The following SPTBN4 variants were observed in gnomAD, a reference collection of about 807,000 sequenced individuals.
The protein encoded by SPTBN4 is spectrin beta, non-erythrocytic 4, also known as spectrin beta chain, non-erythrocytic 4.
A neutral mutation model predicts 277.8 loss-of-function variants in SPTBN4; 96 were observed. The observed-to-expected ratio is 0.35, with a 90% CI of 0.29 to 0.41. The LOEUF is 0.41. Ranked by LOEUF, SPTBN4 falls within the 10% of genes least tolerant of loss-of-function variation. The pLI is 1.00. For missense variants in SPTBN4, 3,006 were observed against 3,595.7 expected (o/e 0.84, Z 4.19); for synonymous variants, 1,481 against 1,580.3 (o/e 0.94, Z 1.49).
rs2080449006 is a variant in SPTBN4 at position 40,515,898 on chromosome 19, A to G, written c.2903+450A>G. Among the ~76,000 whole-genome samples, 1 of 144,524 alleles carries G rather than the reference A, an allele frequency of 6.9e-6. No homozygotes were observed. The highest frequency in any genetic ancestry group is 2.7e-5 in the African/African-American group (1 of 37,298). 94.8% of individuals were successfully genotyped at this position (144,524 alleles called of 152,430 possible). On this transcript the variant is annotated intron_variant, in intron 15 of 35. Transcript: ENST00000598249. The surrounding 1 kb of genome is among the most constrained non-coding windows in gnomAD (Gnocchi z 4.1). ...CACACACACACACACACACACACACACAAAATATATATATACACACACATA... is the reference window on the plus strand; with the variant it reads ...CACACACACACACACACACACACACGCAAAATATATATATACACACACATA...
intron 6 of SPTBN4, among the ~76,000 whole-genome samples, chr19:40,497,274 C>T (rs962483831): frequency 5.9e-5 from 9 of 152,150 alleles, no homozygotes; most frequent in Non-Finnish European, 1.0e-4. Context: ...TGCACATGCA[C>T]ACACACATTC....
chr19:40,494,989 C>T lies in SPTBN4; in HGVS notation c.668+12C>T. ...ATTCACCGGCACAGGTACCACCTGG[C>T]CTGGGACAGCCCAGTCCTGCCCTTC... On this transcript the variant is annotated intron_variant, in intron 6 of 35. Transcript: ENST00000598249. 6.2e-7 allele frequency: 1 copy of T among 1,613,788 alleles called. No individual in the cohort carries two copies. The highest frequency in any genetic ancestry group is 2.2e-5 in the East Asian group (1 of 44,882).
chr19:40,504,146 GGC>G lies in SPTBN4; in HGVS notation c.1665+16_1665+17del. The G allele has an allele frequency of 8.8e-6, 10 of 1,135,624 alleles. No individual in the cohort carries two copies. The South Asian group carries it at 9.1e-5, about 10-fold the overall frequency. The allele number at this position is 1,135,624 out of a possible 1,614,324, so 70.3% of individuals were successfully genotyped here. On this transcript the variant is annotated intron_variant, in intron 12 of 35. Coordinates refer to ENST00000598249, the MANE Select transcript of SPTBN4 (RefSeq NM_020971.3). Reference sequence around the variant, plus strand: ...GAGGAGATGCAGGTGCCGGCGGGGGGGCGGGGATGCGGGTGGAGTGCCAGGAG... The same window carrying G: ...GAGGAGATGCAGGTGCCGGCGGGGGGGGGGATGCGGGTGGAGTGCCAGGAG...
intron 2 of SPTBN4, among the ~76,000 whole-genome samples, chr19:40,484,655 A>C (rs1036898796): frequency 1.4e-4 from 21 of 151,900 alleles, no homozygotes; most frequent in Non-Finnish European, 1.8e-4. Flanking sequence ...TGGCCAGGCG[A>C]GGTGGCTCAC....
At chr19:40,558,628 G>T (rs1485754891) in intron 26 of SPTBN4, among the ~76,000 whole-genome samples, 1 of 150,526 alleles carries the variant, frequency 6.6e-6, no homozygotes, top group African/African-American at 2.4e-5. Flanking sequence ...TTATTTTTGA[G>T]ACAGGGTCTC....
chr19:40,493,160 C>T, intron 5 of SPTBN4, 106 bp downstream of exon 5: 1 of 922,780 alleles, frequency 1.1e-6, no homozygotes, highest in Non-Finnish European at 1.7e-6. Context: ...TCCTCAGGGT[C>T]AAAAAGTTAC....
intron 2 of SPTBN4, among the ~76,000 whole-genome samples, chr19:40,476,009 G>T (rs1338237439): frequency 6.6e-6 from 1 of 151,972 alleles, no homozygotes; most frequent in African/African-American, 2.4e-5. Flanking sequence ...TTGTGCCACT[G>T]CACTCCAGCC....
At position 40,497,728 on chromosome 19, in the gene SPTBN4, A is replaced by G. The variant is rs1420509245; in HGVS notation, c.784+124A>G. ...AATCCTGAGGCCTCTCCAAATCCCA[A>G]CTCTTTCCAAATCCCAACTGTCTCC... On this transcript the variant is annotated intron_variant, in intron 7 of 35. Coordinates refer to ENST00000598249, the MANE Select transcript of SPTBN4 (RefSeq NM_020971.3). 6.9e-6 allele frequency: 5 copies of G among 725,138 alleles called. No individual in the cohort carries two copies. The East Asian group carries it at 1.1e-4, about 16-fold the overall frequency. 44.9% of individuals were successfully genotyped at this position (725,138 alleles called of 1,614,324 possible). A position where few individuals can be genotyped will look rare whatever the true frequency, so the allele number is the denominator to read the frequency against.
At chr19:40,495,631 G>C (rs1599729935) in intron 6 of SPTBN4, among the ~76,000 whole-genome samples, 1 of 151,982 alleles carries the variant, frequency 6.6e-6, no homozygotes, top group African/African-American at 2.4e-5. Flanking sequence ...CTGGGCAACA[G>C]AGTGAGACTC....
At chr19:40,545,674 G>A (rs934212080) in intron 20 of SPTBN4, among the ~76,000 whole-genome samples, 4 of 151,688 alleles carry the variant, frequency 2.6e-5, no homozygotes, top group Admixed American at 6.6e-5. Flanking sequence ...TTGGGAGGCC[G>A]AGGTGGGTGG....
At chr19:40,507,115 G>T (rs564131954) in intron 13 of SPTBN4, among the ~76,000 whole-genome samples, 1 of 152,154 alleles carries the variant, frequency 6.6e-6, no homozygotes, top group Admixed American at 6.6e-5. Flanking sequence ...AAATGTTCAG[G>T]GAAGCCTAGT....
chr19:40,472,556 G>A lies in SPTBN4; in HGVS notation c.-15-51G>A, dbSNP rs984851915. On this transcript the variant is annotated intron_variant, in intron 1 of 35. Coordinates refer to ENST00000598249, the MANE Select transcript of SPTBN4 (RefSeq NM_020971.3). Reference sequence around the variant, plus strand: ...GGGACAGGACTCAAAGCCAGTCACTGTTAGAAATGAGACTTGATCCTAGAC... The same window carrying A: ...GGGACAGGACTCAAAGCCAGTCACTATTAGAAATGAGACTTGATCCTAGAC... The A allele has an allele frequency of 1.5e-5, 22 of 1,500,850 alleles. No homozygotes were observed. In the East Asian group the frequency reaches 4.0e-4, roughly 27 times the overall value. 93.0% of individuals were successfully genotyped at this position (1,500,850 alleles called of 1,614,324 possible).
intron 12 of SPTBN4, among the ~76,000 whole-genome samples, chr19:40,505,382 CAAAAAA>C (rs1209780246): frequency 1.1e-4 from 6 of 55,864 alleles, no homozygotes; most frequent in Admixed American, 7.2e-4. Context: ...GACCCTGTCT[CAAAAAA>C]AAAAAAAAAA....
At position 40,572,095 on chromosome 19, in the gene SPTBN4, G is replaced by A. The variant is rs2081160950; in HGVS notation, c.7396G>A (p.Gly2466Arg). The A allele has an allele frequency of 1.9e-6, 3 of 1,613,078 alleles. No homozygotes were observed. The highest frequency in any genetic ancestry group is 2.2e-5 in the East Asian group (1 of 44,858). Reference sequence around the variant, plus strand: ...CAAGGACTCCAAGGGCCCGGCATCCGGGAGCACACACGGTGGGGAACCGCT... The same window carrying A: ...CAAGGACTCCAAGGGCCCGGCATCCAGGAGCACACACGGTGGGGAACCGCT... The part of the protein sequence containing the change: ...FYKDSKGPAS[G>R]STHGGEPLLS... Residue 2466 changes from glycine to arginine, a missense_variant, in exon 34 of 36, where the codon GGG becomes AGG. Coordinates refer to ENST00000598249, the MANE Select transcript of SPTBN4 (RefSeq NM_020971.3).
chr19:40,526,726 A>G (rs2080597114), intron 17 of SPTBN4, among the ~76,000 whole-genome samples: 1 of 151,958 alleles, frequency 6.6e-6, no homozygotes, highest in Non-Finnish European at 1.5e-5. Flanking sequence ...CTGGGACTAA[A>G]AGCATGTGCC....
chr19:40,552,221 C>T (rs1229830609), intron 22 of SPTBN4, among the ~76,000 whole-genome samples: 1 of 151,566 alleles, frequency 6.6e-6, no homozygotes, highest in East Asian at 1.9e-4. Flanking sequence ...TTTGGGAGGC[C>T]GAGGCGAGTG....
chr19:40,468,337 C>T (rs1260838360), intron 1 of SPTBN4, among the ~76,000 whole-genome samples: 1 of 152,166 alleles, frequency 6.6e-6, no homozygotes, highest in Non-Finnish European at 1.5e-5. Flanking sequence ...TCCTTGGCCT[C>T]TCAAAGTGCT....
chr19:40,512,588 C>A lies in SPTBN4; in HGVS notation c.1817-18C>A. ...TGGCTTGTGACCAATCCTGGATGCT[C>A]CCCTTCTCCTGGCTCAGGCTACCAG... On this transcript the variant is annotated intron_variant, in intron 13 of 35. Coordinates refer to ENST00000598249, the MANE Select transcript of SPTBN4 (RefSeq NM_020971.3). 1 of 1,516,522 alleles carries A rather than the reference C, an allele frequency of 6.6e-7. No homozygotes were observed. Among genetic ancestry groups the A allele is most frequent in the South Asian group, 1.2e-5 (1 of 82,728 alleles). 93.9% of individuals were successfully genotyped at this position (1,516,522 alleles called of 1,614,324 possible).
chr19:40,523,004 T>G (rs2080546291), intron 16 of SPTBN4, among the ~76,000 whole-genome samples: 2 of 152,042 alleles, frequency 1.3e-5, no homozygotes, highest in Non-Finnish European at 1.5e-5. Flanking sequence ...CATGGTGGTA[T>G]GCACCTGTAA....
Sources: allele counts gnomAD v4.1 joint callset (sites outside exome capture counted in the v4.1 genomes callset), GRCh38; gene constraint gnomAD v4.1.1; non-coding constraint Gnocchi (gnomAD v3.1); transcripts MANE v1.5; gene names NCBI Gene and HGNC (gene_info 2026-07-23, HGNC 2026-07-21).